ITSN1: variants seen among roughly 807,000 people sequenced by gnomAD.
The protein encoded by ITSN1 is intersectin-1.
Under a neutral mutation model 239.8 loss-of-function variants are expected in ITSN1, and 58 were observed. The observed-to-expected ratio is 0.24, with a 90% CI of 0.20 to 0.30. The LOEUF is 0.30. Among genes scored for constraint, ITSN1 ranks in the 10% least tolerant of loss-of-function variants. The pLI, the probability that ITSN1 is intolerant of heterozygous loss-of-function variation, is 1.00. For synonymous variants in ITSN1, 780 were observed against 770.8 expected, an observed-to-expected ratio of 1.01 and a Z score of -0.20; for missense variants, 1,558 against 2,103.3, an observed-to-expected ratio of 0.74 and a Z score of 5.07.
At chr21:33,848,629 A>G (rs2075057815) in intron 29 of ITSN1, among the ~76,000 whole-genome samples, 1 of 152,204 alleles carries the variant, frequency 6.6e-6, no homozygotes, top group East Asian at 1.9e-4. Context: ...GCTACCGCAT[A>G]GGATTCCTGG....
intron 9 of ITSN1, among the ~76,000 whole-genome samples, chr21:33,763,470 G>A (rs2147675114): frequency 6.6e-6 from 1 of 152,230 alleles, no homozygotes; most frequent in African/African-American, 2.4e-5. Context: ...AGGATGTTCA[G>A]TAGCATCTGT....
chr21:33,693,915 CT>C (rs956248877), intron 1 of ITSN1, among the ~76,000 whole-genome samples: 3 of 152,206 alleles, frequency 2.0e-5, no homozygotes, highest in Non-Finnish European at 2.9e-5. Context: ...CTTTATCCAG[CT>C]TACAAGTTTT....
At chr21:33,817,121 T>C (rs557283788) in intron 22 of ITSN1, 4 of 1,175,850 alleles carry the variant, frequency 3.4e-6, no homozygotes, top group East Asian at 1.2e-4. Context: ...TGTCCATTCA[T>C]ATATATGATT....
At chr21:33,846,259 C>T (rs2074987302) in intron 29 of ITSN1, among the ~76,000 whole-genome samples, 1 of 152,158 alleles carries the variant, frequency 6.6e-6, no homozygotes, top group Admixed American at 6.5e-5. Flanking sequence ...GCCTTTCCTG[C>T]CCACCTGCCT....
intron 2 of ITSN1, 31 bp from the exon 3 acceptor site, chr21:33,721,147 A>G (rs756820374): frequency 5.4e-6 from 8 of 1,470,438 alleles, no homozygotes; most frequent in Non-Finnish European, 6.7e-6. Flanking sequence ...TTCTCACTGA[A>G]TAATTTGTTT....
chr21:33,672,572 A>G (rs1392899662), intron 1 of ITSN1, among the ~76,000 whole-genome samples: 1 of 152,204 alleles, frequency 6.6e-6, no homozygotes, highest in African/African-American at 2.4e-5. Context: ...CAATATGGAA[A>G]TTCCTCAGAA....
rs537223635 is a variant in ITSN1, at chr21:33,896,098, G to A, written c.*7798G>A. ...CCGGCAGGCTGTGGCAAGCTGCGCG[G>A]ATACACTTTTCTAAACGTCTGCATT... On this transcript the variant is annotated 3_prime_UTR_variant, in exon 40 of 40. Transcript: ENST00000381318. 2 of 152,464 alleles carry A rather than the reference G, an allele frequency of 1.3e-5. No individual in the cohort carries two copies. The highest frequency in any genetic ancestry group is 1.9e-4 in the East Asian group (1 of 5,194). 9.4% of individuals were successfully genotyped at this position (152,464 alleles called of 1,614,324 possible).
At chr21:33,677,685 C>T (rs564932464) in intron 1 of ITSN1, among the ~76,000 whole-genome samples, 1 of 152,246 alleles carries the variant, frequency 6.6e-6, no homozygotes, top group African/African-American at 2.4e-5. Context: ...GCGCACACCC[C>T]AGTCCTTTCT....
Position 33,889,614 on chromosome 21 carries a change from G to C in ITSN1, c.*1314G>C, listed in dbSNP as rs1986221043. ...GAAAAGTGGGGGCCGTGTTTTGTTT[G>C]CATGTTAATATTCTCATAATCCTAG... On this transcript the variant is annotated 3_prime_UTR_variant, in exon 40 of 40. Coordinates refer to ENST00000381318, the MANE Select transcript of ITSN1 (RefSeq NM_003024.3). The C allele has an allele frequency of 6.6e-6, 1 of 152,114 alleles. No homozygotes were observed. The highest frequency in any genetic ancestry group is 1.5e-5 in the Non-Finnish European group (1 of 68,024). 9.4% of individuals were successfully genotyped at this position (152,114 alleles called of 1,614,324 possible).
chr21:33,675,885 A>C (rs1375163241), intron 1 of ITSN1, among the ~76,000 whole-genome samples: 1 of 152,178 alleles, frequency 6.6e-6, no homozygotes, highest in Non-Finnish European at 1.5e-5. Context: ...CTTCATACTT[A>C]GGGACATTAA....
chr21:33,852,821 C>T lies in ITSN1; in HGVS notation c.3662-3915C>T, dbSNP rs547776238. Among the ~76,000 whole-genome samples, 23 of 152,220 alleles carry T rather than the reference C, an allele frequency of 1.5e-4. No homozygotes were observed. The South Asian group carries it at 4.8e-3, about 32-fold the overall frequency. ...TGATGTGTTTTCTCCTCTCGTTTTTCCCTGGGAAAGGGGGCCAGAAACCAT... is the reference window on the plus strand; with the variant it reads ...TGATGTGTTTTCTCCTCTCGTTTTTTCCTGGGAAAGGGGGCCAGAAACCAT... On this transcript the variant is annotated intron_variant, in intron 29 of 39. Coordinates refer to ENST00000381318, the MANE Select transcript of ITSN1 (RefSeq NM_003024.3).
intron 20 of ITSN1, among the ~76,000 whole-genome samples, chr21:33,803,450 ATAAAT>A (rs2072166067): frequency 1.3e-5 from 2 of 152,222 alleles, no homozygotes; most frequent in Non-Finnish European, 2.9e-5. Context: ...GATGGCTTAA[ATAAAT>A]TATGATACAG....
rs776167324 is a variant in ITSN1, at chr21:33,755,413, A to T, written c.724+16A>T. 1 of 1,314,776 alleles carries T rather than the reference A, an allele frequency of 7.6e-7. No individual in the cohort carries two copies. Among genetic ancestry groups the T allele is most frequent in the Middle Eastern group, 1.8e-4 (1 of 5,414 alleles). The allele number at this position is 1,314,776 out of a possible 1,614,324, so 81.4% of individuals were successfully genotyped here. A position where few individuals can be genotyped will look rare whatever the true frequency, so the allele number is the denominator to read the frequency against. On this transcript the variant is annotated intron_variant, in intron 8 of 39. Transcript: ENST00000381318. ...CACTTAACAGGTATTTACAAATAAA[A>T]ATTAGTGAAATATGATCTTTGTTTT...
In ITSN1 at chr21:33,817,519, T is replaced by C. The variant is rs1287284064; in HGVS notation, c.2728-748T>C. The C allele has an allele frequency of 2.3e-6, 3 of 1,304,578 alleles. No individual in the cohort carries two copies. The South Asian group carries it at 3.7e-5, about 16-fold the overall frequency. 80.8% of individuals were successfully genotyped at this position (1,304,578 alleles called of 1,614,324 possible). The stretch of plus-strand genomic sequence containing the variant: ...GAATAGTAGGAACTCCTTTTTAGTA[T>C]ATTTCATTCTGCCAGGTGGTACACT... On this transcript the variant is annotated intron_variant, in intron 22 of 39. Transcript: ENST00000381318.
Position 33,875,512 on chromosome 21 carries a change from C to G in ITSN1, c.4332C>G (p.Gly1444=), listed in dbSNP as rs73900390. 2,463 of 1,613,850 alleles carry G rather than the reference C, an allele frequency of 1.5e-3. 29 individuals are homozygous for G. In the African/African-American group the frequency reaches 0.03, roughly 20 times the overall value. Residue 1444 remains glycine (G), a synonymous_variant, in exon 34 of 40, where the codon GGC becomes GGG. Transcript: ENST00000381318. ...EWIQAHVQCE[G]LSEQLVFNSV... ...TCCAGGCCCACGTGCAGTGTGAAGG[C>G]CTGTCTGAGGTAGCCAACCTTGGGG...
Position 33,899,798 on chromosome 21 carries a change from T to C in ITSN1, c.*11498T>C, listed in dbSNP as rs1471276594. 6.6e-6 allele frequency: 1 copy of C among 152,238 alleles called. No homozygotes were observed. Among genetic ancestry groups the C allele is most frequent in the Non-Finnish European group, 1.5e-5 (1 of 68,046 alleles). The allele number at this position is 152,238 out of a possible 1,614,324, so 9.4% of individuals were successfully genotyped here. On this transcript the variant is annotated 3_prime_UTR_variant, in exon 40 of 40. Coordinates refer to ENST00000381318, the MANE Select transcript of ITSN1 (RefSeq NM_003024.3). ...CAAAAACAAAAACAAAAAACAACTC[T>C]TTGGTCATTTTGACCTGTGTGGTTT...
chr21:33,697,474 TC>T (rs1157744715), intron 1 of ITSN1, among the ~76,000 whole-genome samples: 1 of 152,116 alleles, frequency 6.6e-6, no homozygotes, highest in Non-Finnish European at 1.5e-5. Context: ...CATTTTTTTT[TC>T]ATGTGACAAA....
chr21:33,669,783 A>C, intron 1 of ITSN1, among the ~76,000 whole-genome samples: 1 of 147,526 alleles, frequency 6.8e-6, no homozygotes, highest in Non-Finnish European at 1.5e-5. Flanking sequence ...AAACGTCTTA[A>C]TTTTTTTTTT....
chr21:33,895,028 G>C lies in ITSN1; in HGVS notation c.*6728G>C, dbSNP rs1271326615. On this transcript the variant is annotated 3_prime_UTR_variant, in exon 40 of 40. Coordinates refer to ENST00000381318, the MANE Select transcript of ITSN1 (RefSeq NM_003024.3). ...TGATGTGGGGTGTAGGGGAAGACAG[G>C]AAAACGGACTCAGAGCTAGGAATGT... 6.6e-6 allele frequency: 1 copy of C among 152,252 alleles called. No homozygotes were observed. Among genetic ancestry groups the C allele is most frequent in the African/African-American group, 2.4e-5 (1 of 41,400 alleles). The allele number at this position is 152,252 out of a possible 1,614,324, so 9.4% of individuals were successfully genotyped here. A position where few individuals can be genotyped will look rare whatever the true frequency, so the allele number is the denominator to read the frequency against.
Sources: gnomAD v4.1 joint callset for allele counts (sites outside exome capture counted in the v4.1 genomes callset) on GRCh38, gnomAD v4.1.1 for gene constraint, MANE v1.5 for transcripts, NCBI Gene and HGNC (gene_info 2026-07-23, HGNC 2026-07-21) for gene names.